WNK2: variants seen among roughly 807,000 people sequenced by gnomAD.
WNK2 encodes the protein serine/threonine-protein kinase WNK2.
In WNK2, 67 loss-of-function variants were observed where a neutral mutation model predicts 192.1. The ratio of observed to expected loss-of-function variants is 0.35; its 90% CI spans 0.29 to 0.43. WNK2 has a LOEUF of 0.43. Ranked by LOEUF, WNK2 falls within the 20% of genes least tolerant of loss-of-function variation. The pLI is 1.00. For missense variants in WNK2, 2,698 were observed against 3,089.7 expected, an observed-to-expected ratio of 0.87 and a Z score of 3.01; for synonymous variants, 1,439 against 1,393.9, an observed-to-expected ratio of 1.03 and a Z score of -0.72.
At chr9:93,319,530 C>T (rs1049959622) in intron 29 of WNK2, among the ~76,000 whole-genome samples, 1 of 152,248 alleles carries the variant, frequency 6.6e-6, no homozygotes, top group African/African-American at 2.4e-5. Context: ...AGCAGTGCCA[C>T]GGGCTGTGAC....
At position 93,292,778 on chromosome 9, in the gene WNK2, C is replaced by G; in HGVS notation, c.5313C>G (p.Pro1771=). 6.4e-7 allele frequency: 1 copy of G among 1,557,824 alleles called. No individual in the cohort carries two copies. Among genetic ancestry groups the G allele is most frequent in the Non-Finnish European group, 8.7e-7 (1 of 1,152,358 alleles). ...ACAGCCTGAGATACTCTGCCCCACC[C>G]GACGTCTACCTGGACGAGGCCCCCT... ...SPHSLRYSAP[P]DVYLDEAPSS... The change falls in exon 23 of 30, where the codon CCC becomes CCG. Residue 1771 remains proline (P), a synonymous_variant. Coordinates refer to ENST00000427277, the MANE Select transcript of WNK2 (RefSeq NM_006648.4).
At chr9:93,241,499 C>G (rs565528866) in intron 7 of WNK2, among the ~76,000 whole-genome samples, 1 of 152,320 alleles carries the variant, frequency 6.6e-6, no homozygotes, top group South Asian at 2.1e-4. Flanking sequence ...CCATCAGTCA[C>G]CAGTTCCAGG....
chr9:93,205,557 G>A (rs1023824926), intron 2 of WNK2, among the ~76,000 whole-genome samples: 1 of 151,868 alleles, frequency 6.6e-6, no homozygotes, highest in South Asian at 2.1e-4. Context: ...TCTGTCCTTC[G>A]GCCCGCCCCG....
intron 1 of WNK2, 160 bp from the exon 2 acceptor site, chr9:93,184,768 G>T: frequency 3.6e-6 from 2 of 558,808 alleles, no homozygotes; most frequent in Non-Finnish European, 5.2e-6. Flanking sequence ...CCCGTCTGCA[G>T]CCCCCCTTTC....
At chr9:93,214,451 A>C (rs369941779) in intron 2 of WNK2, among the ~76,000 whole-genome samples, 7 of 151,986 alleles carry the variant, frequency 4.6e-5, no homozygotes, top group African/African-American at 1.4e-4. Flanking sequence ...TTACAGGTGC[A>C]TGCCACCATG....
At chr9:93,240,301 C>A (rs1422836628) in intron 7 of WNK2, among the ~76,000 whole-genome samples, 1 of 152,174 alleles carries the variant, frequency 6.6e-6, no homozygotes, top group Non-Finnish European at 1.5e-5. Flanking sequence ...GTCAGAAAGG[C>A]CTCGCTTGCT....
chr9:93,202,010 T>C (rs1398648103), intron 2 of WNK2, among the ~76,000 whole-genome samples: 2 of 152,186 alleles, frequency 1.3e-5, no homozygotes, highest in Non-Finnish European at 2.9e-5. Flanking sequence ...GAAACCAGGC[T>C]GGGCCGGTGA....
rs1172483218 is a variant in WNK2 at position 93,203,440 on chromosome 9, A to AC, written c.681+17831dup. Among the ~76,000 whole-genome samples, 20 of 152,158 alleles carry AC rather than the reference A, an allele frequency of 1.3e-4. 1 individual carries two copies. The highest frequency in any genetic ancestry group is 1.0e-3 in the Admixed American group (16 of 15,282). Reference sequence around the variant, plus strand: ...TGAAAGAAAGAAAAAGCGAATGAGAACAGGCAGCTCTGGGGAGCCGGGAGA... The same window carrying AC: ...TGAAAGAAAGAAAAAGCGAATGAGAACCAGGCAGCTCTGGGGAGCCGGGAGA... On this transcript the variant is annotated intron_variant, in intron 2 of 29. Coordinates refer to ENST00000427277, the MANE Select transcript of WNK2 (RefSeq NM_006648.4).
chr9:93,281,488 A>G (rs1847730383), intron 19 of WNK2, among the ~76,000 whole-genome samples: 1 of 152,200 alleles, frequency 6.6e-6, no homozygotes, highest in African/African-American at 2.4e-5. Flanking sequence ...TAAAGAAACT[A>G]AAGTAAAATA....
chr9:93,259,736 A>G lies in WNK2; in HGVS notation c.3066+122A>G, dbSNP rs980054005. ...CCTGCCTGGGGTCGCCCCTCTCAGGAAGAGATGTGTGTGAGGCTGAGGGAG... is the reference window on the plus strand; with the variant it reads ...CCTGCCTGGGGTCGCCCCTCTCAGGGAGAGATGTGTGTGAGGCTGAGGGAG... On this transcript the variant is annotated intron_variant, in intron 12 of 29. Transcript: ENST00000427277. The surrounding 1 kb of genome is among the most constrained non-coding windows in gnomAD (Gnocchi z 4.8). The G allele has an allele frequency of 1.1e-6, 1 of 944,716 alleles. No homozygotes were observed. The highest frequency in any genetic ancestry group is 2.7e-5 in the East Asian group (1 of 37,470). The allele number at this position is 944,716 out of a possible 1,614,324, so 58.5% of individuals were successfully genotyped here. A position where few individuals can be genotyped will look rare whatever the true frequency, so the allele number is the denominator to read the frequency against.
At chr9:93,295,015 C>G (rs1302545116) in intron 23 of WNK2, among the ~76,000 whole-genome samples, 1 of 152,168 alleles carries the variant, frequency 6.6e-6, no homozygotes, top group African/African-American at 2.4e-5. Flanking sequence ...TACCGAGGTG[C>G]CTGTGCCTCA....
intron 19 of WNK2, among the ~76,000 whole-genome samples, chr9:93,275,052 C>T (rs1353029567): frequency 1.9e-4 from 5 of 25,720 alleles, no homozygotes; most frequent in Admixed American, 8.1e-4. Context: ...TCAAATTCAG[C>T]ACTATATTAA....
At chr9:93,243,902 A>G (rs1336337642) in intron 7 of WNK2, among the ~76,000 whole-genome samples, 1 of 152,246 alleles carries the variant, frequency 6.6e-6, no homozygotes, top group Non-Finnish European at 1.5e-5. Flanking sequence ...CTAGAGAGAC[A>G]CTAGCACCTG....
intron 2 of WNK2, among the ~76,000 whole-genome samples, chr9:93,223,157 C>G (rs975494313): frequency 6.6e-6 from 1 of 152,226 alleles, no homozygotes; most frequent in Admixed American, 6.5e-5. Flanking sequence ...AGAGCTCTGT[C>G]AGGCCTCCCC....
At chr9:93,195,724 A>AAAAAAAAAG (rs1831151062) in intron 2 of WNK2, among the ~76,000 whole-genome samples, 24 of 147,338 alleles carry the variant, frequency 1.6e-4, no homozygotes, top group Non-Finnish European at 2.2e-4. Context: ...AAAAAAAAAA[A>AAAAAAAAAG]GATGTTGCTG....
intron 28 of WNK2, among the ~76,000 whole-genome samples, chr9:93,313,626 T>TAG (rs1327255965): frequency 6.6e-6 from 1 of 152,176 alleles, no homozygotes; most frequent in African/African-American, 2.4e-5. Context: ...TAATTTGCCT[T>TAG]AGAGCAAATT....
chr9:93,282,464 A>G (rs1415276201), intron 19 of WNK2, among the ~76,000 whole-genome samples: 1 of 136,368 alleles, frequency 7.3e-6, no homozygotes, highest in African/African-American at 3.0e-5. Flanking sequence ...CTCAAAAGTG[A>G]AAAAAAAAAA....
At chr9:93,226,043 T>C (rs942341356) in intron 2 of WNK2, among the ~76,000 whole-genome samples, 1 of 152,112 alleles carries the variant, frequency 6.6e-6, no homozygotes, top group Non-Finnish European at 1.5e-5. Flanking sequence ...TGAAAACGAG[T>C]CTGGACCGCC....
At position 93,261,916 on chromosome 9, in the gene WNK2, G is replaced by C; in HGVS notation, c.3169G>C (p.Val1057Leu). ...GGTCCTCTCGCCGCCTCTGCCGGAA[G>C]TGCTGCTGCCTGCCGCCCCTGAGCT... ...AAVLSPPLPE[V>L]LLPAAPELLP... The change falls in exon 13 of 30, where the codon GTG becomes CTG. Residue 1057 changes from valine (V) to leucine (L), a missense_variant. By Grantham distance (32) the Val-to-Leu change is conservative. Around this residue, in one of 7 missense-constraint regions of WNK2, gnomAD observed 893 missense variants for 909.0 expected, o/e 0.98. Transcript: ENST00000427277. 6.2e-7 allele frequency: 1 copy of C among 1,608,078 alleles called. No individual in the cohort carries two copies. The highest frequency in any genetic ancestry group is 8.5e-7 in the Non-Finnish European group (1 of 1,179,758).
Sources: gnomAD v4.1 joint callset for allele counts (sites outside exome capture counted in the v4.1 genomes callset) on GRCh38, gnomAD v4.1.1 for gene constraint, gnomAD v4.1.1 regional missense constraint, Gnocchi (gnomAD v3.1) non-coding constraint, MANE v1.5 for transcripts, NCBI Gene and HGNC (gene_info 2026-07-23, HGNC 2026-07-21) for gene names.